HS6ST3: variants seen among roughly 807,000 people sequenced by gnomAD.
HS6ST3 encodes heparan-sulfate 6-O-sulfotransferase 3.
A neutral mutation model predicts 36.7 loss-of-function variants in HS6ST3; 12 were observed. The ratio of observed to expected loss-of-function variants is 0.33; its 90% CI spans 0.21 to 0.53. The LOEUF is 0.53. HS6ST3 is among the 20% of genes least tolerant of loss of function. The pLI, the probability that HS6ST3 is intolerant of heterozygous loss-of-function variation, is 0.95. For synonymous variants in HS6ST3, 240 were observed against 257.5 expected (o/e 0.93, Z 0.65); for missense variants, 584 against 640.9 (o/e 0.91, Z 0.96).
chr13:96,405,981 A>G (rs968457405), intron 1 of HS6ST3, among the ~76,000 whole-genome samples: 1 of 152,190 alleles, frequency 6.6e-6, no homozygotes, highest in Non-Finnish European at 1.5e-5. Context: ...ACCTTTTTCC[A>G]TTAAGACTTT....
intron 1 of HS6ST3, among the ~76,000 whole-genome samples, chr13:96,714,879 T>C (rs1039925217): frequency 6.6e-6 from 1 of 151,990 alleles, no homozygotes; most frequent in African/African-American, 2.4e-5. Context: ...AATTTTTTTT[T>C]CTTTTGTTGT....
intron 1 of HS6ST3, among the ~76,000 whole-genome samples, chr13:96,362,979 A>G (rs1370555222): frequency 2.0e-5 from 3 of 152,190 alleles, no homozygotes; most frequent in African/African-American, 7.2e-5. Flanking sequence ...TTATAGAAAT[A>G]GAGCATGGAT....
intron 1 of HS6ST3, among the ~76,000 whole-genome samples, chr13:96,164,895 A>G (rs1321283282): frequency 6.6e-6 from 1 of 152,166 alleles, no homozygotes; most frequent in Non-Finnish European, 1.5e-5. Context: ...AACAAAGTTT[A>G]AAAGATACAT....
intron 1 of HS6ST3, among the ~76,000 whole-genome samples, chr13:96,246,214 A>T (rs79004072): frequency 0.012 from 1,754 of 152,248 alleles, 34 homozygotes; most frequent in African/African-American, 0.041. Context: ...CAATTAGAAA[A>T]CAGAGATCCA....
At chr13:96,122,707 A>G (rs1289220187) in intron 1 of HS6ST3, among the ~76,000 whole-genome samples, 2 of 152,218 alleles carry the variant, frequency 1.3e-5, no homozygotes, top group Non-Finnish European at 1.5e-5. Flanking sequence ...GCTGGGTTAT[A>G]CAATGTTCAT....
chr13:96,760,491 A>AC (rs149921798), intron 1 of HS6ST3, among the ~76,000 whole-genome samples: 41,482 of 151,938 alleles, frequency 0.27, 5,852 homozygotes, highest in Non-Finnish European at 0.32. Context: ...TCTGTAAAAA[A>AC]AAAAATGCTT....
At chr13:96,102,087 G>T (rs1246105780) in intron 1 of HS6ST3, among the ~76,000 whole-genome samples, 1 of 152,108 alleles carries the variant, frequency 6.6e-6, no homozygotes, top group Non-Finnish European at 1.5e-5. Flanking sequence ...ATCAGAAAAG[G>T]TATTTTTTTT....
At chr13:96,798,947 T>C (rs577924345) in intron 1 of HS6ST3, among the ~76,000 whole-genome samples, 8 of 152,110 alleles carry the variant, frequency 5.3e-5, no homozygotes, top group Non-Finnish European at 1.2e-4. Context: ...TCTGTACATA[T>C]GTACCCCAGT....
rs375039520 is a variant in HS6ST3, at chr13:96,090,993, G to C, written c.131G>C (p.Gly44Ala). ...CTNFGEQPRA[G>A]EAGPPAVPGP... Reference sequence around the variant, plus strand: ...AACTTCGGGGAGCAGCCCCGCGCGGGGGAGGCCGGCCCGCCCGCCGTCCCG... The same window carrying C: ...AACTTCGGGGAGCAGCCCCGCGCGGCGGAGGCCGGCCCGCCCGCCGTCCCG... The change falls in exon 1 of 2, where the codon GGG (glycine) becomes GCG (alanine). Residue 44 changes from glycine to alanine, a missense_variant. Gly to Ala is a moderately conservative substitution (Grantham distance 60). Around this residue, in one of 3 missense-constraint regions of HS6ST3, gnomAD observed 217 missense variants for 205.4 expected, o/e 1.06. Transcript: ENST00000376705. The C allele has an allele frequency of 7.5e-7, 1 of 1,331,668 alleles. No homozygotes were observed. Among genetic ancestry groups the C allele is most frequent in the Non-Finnish European group, 9.7e-7 (1 of 1,033,664 alleles). The allele number at this position is 1,331,668 out of a possible 1,614,324, so 82.5% of individuals were successfully genotyped here.
intron 1 of HS6ST3, among the ~76,000 whole-genome samples, chr13:96,255,963 C>A (rs9525170): frequency 0.46 from 69,335 of 151,746 alleles, 16,619 homozygotes; most frequent in Admixed American, 0.57. Context: ...TCACCATTAA[C>A]CAACTCATGT....
At chr13:96,659,833 C>T (rs935385643) in intron 1 of HS6ST3, among the ~76,000 whole-genome samples, 1 of 152,026 alleles carries the variant, frequency 6.6e-6, no homozygotes, top group Admixed American at 6.6e-5. Context: ...TCTGGACTAT[C>T]TCTTCTGTTG....
chr13:96,521,444 C>A (rs912200586), intron 1 of HS6ST3, among the ~76,000 whole-genome samples: 6 of 152,158 alleles, frequency 3.9e-5, no homozygotes, highest in African/African-American at 1.4e-4. Flanking sequence ...CCTCTTTGTA[C>A]GTCTTGTAGA....
intron 1 of HS6ST3, among the ~76,000 whole-genome samples, chr13:96,206,507 C>A (rs2054371112): frequency 6.6e-6 from 1 of 152,102 alleles, no homozygotes; most frequent in Non-Finnish European, 1.5e-5. Flanking sequence ...CCAAGAGAAT[C>A]CTAAACAAAA....
intron 1 of HS6ST3, among the ~76,000 whole-genome samples, chr13:96,561,489 C>T (rs1207110721): frequency 6.6e-6 from 1 of 152,084 alleles, no homozygotes; most frequent in Non-Finnish European, 1.5e-5. Context: ...TAATTTATGA[C>T]TAAGTCCTCA....
Position 96,583,201 on chromosome 13 carries a change from TTTC to T in HS6ST3, c.708-249286_708-249284del, listed in dbSNP as rs1566403466. Among the ~76,000 whole-genome samples, 29 of 115,968 alleles carry T rather than the reference TTTC, an allele frequency of 2.5e-4. 1 individual carries two copies. Among genetic ancestry groups the T allele is most frequent in the African/African-American group, 9.4e-4 (28 of 29,790 alleles). 76.1% of individuals were successfully genotyped at this position (115,968 alleles called of 152,430 possible). On this transcript the variant is annotated intron_variant, in intron 1 of 1. Transcript: ENST00000376705. ...TTTAATGGCTTCAATTTCTTTTTCTTTTCTTTTTTTTTTTTTTTTTTTTTTTTT... is the reference window on the plus strand; with the variant it reads ...TTTAATGGCTTCAATTTCTTTTTCTTTTTTTTTTTTTTTTTTTTTTTTTTT...
At chr13:96,493,091 G>C (rs1445188699) in intron 1 of HS6ST3, among the ~76,000 whole-genome samples, 1 of 152,168 alleles carries the variant, frequency 6.6e-6, no homozygotes, top group Non-Finnish European at 1.5e-5. Context: ...GTTTCTTGCT[G>C]TTTAGCTCAT....
intron 1 of HS6ST3, among the ~76,000 whole-genome samples, chr13:96,689,632 A>G (rs1287793053): frequency 1.3e-5 from 1 of 76,906 alleles, no homozygotes; most frequent in African/African-American, 5.2e-5. Flanking sequence ...TGGTGATTGT[A>G]TGGAGATTGG....
At chr13:96,668,484 A>G (rs2056671613) in intron 1 of HS6ST3, among the ~76,000 whole-genome samples, 1 of 152,110 alleles carries the variant, frequency 6.6e-6, no homozygotes, top group Non-Finnish European at 1.5e-5. Context: ...TCACCTGCCC[A>G]TACCCTGTGA....
chr13:96,239,553 A>G (rs2139371861), intron 1 of HS6ST3, among the ~76,000 whole-genome samples: 1 of 152,352 alleles, frequency 6.6e-6, no homozygotes, highest in Middle Eastern at 3.4e-3. Context: ...CAAGGCATTC[A>G]TTTGTTTTAT....
Sources: gnomAD v4.1 joint callset for allele counts (sites outside exome capture counted in the v4.1 genomes callset) on GRCh38, gnomAD v4.1.1 for gene constraint, gnomAD v4.1.1 regional missense constraint, MANE v1.5 for transcripts, NCBI Gene and HGNC (gene_info 2026-07-23, HGNC 2026-07-21) for gene names.